ERAP1: variants seen among roughly 807,000 people sequenced by gnomAD.
ERAP1 encodes the protein adipocyte-derived leucine aminopeptidase.
ERAP1 carries 86 observed loss-of-function variants against 103.7 expected under a neutral mutation model. That is an observed-to-expected ratio of 0.83 (90% confidence interval 0.70 to 0.99). ERAP1 has a LOEUF of 0.99. Ranked by LOEUF, ERAP1 falls within the 50% of genes least tolerant of loss-of-function variation. The pLI, the probability that ERAP1 is intolerant of heterozygous loss-of-function variation, is 0.00. For synonymous variants in ERAP1, 398 were observed against 402.4 expected, an observed-to-expected ratio of 0.99 and a Z score of 0.13; for missense variants, 1,009 against 1,128.4, an observed-to-expected ratio of 0.89 and a Z score of 1.52.
At chr5:96,856,118 AG>A in the ERAP1 span, among the ~76,000 whole-genome samples, 1 of 151,388 alleles carries the variant, frequency 6.6e-6, no homozygotes, top group Non-Finnish European at 1.5e-5. Context: ...CAGGACTTCG[AG>A]ACCAGCCTGG....
At chr5:96,820,919 G>GAAAT in the ERAP1 span, among the ~76,000 whole-genome samples, 6 of 151,770 alleles carry the variant, frequency 4.0e-5, no homozygotes, top group South Asian at 1.3e-3. Context: ...TTTGTATCAG[G>GAAAT]GTTCTCCAGA....
chr5:96,901,380 G>A, the ERAP1 span: 3 of 1,034,934 alleles, frequency 2.9e-6, no homozygotes, highest in Non-Finnish European at 4.3e-6. Context: ...CCTTCCCTGA[G>A]ATACCAGTCC....
rs184320964 is a variant in ERAP1, at chr5:96,790,625, T to C, written c.1339A>G (p.Met447Val). Residue 447 changes from methionine (M) to valine (V), a missense_variant, in exon 9 of 19, where the codon ATG becomes GTG. By Grantham distance (21) the Met-to-Val change is conservative. Around this residue, in one of 3 missense-constraint regions of ERAP1, gnomAD observed 611 missense variants for 651.7 expected, o/e 0.94. Transcript: ENST00000443439. Reference protein sequence around the residue: ...SYDKGACILNMLREYLSADAF... With the variant: ...SYDKGACILNVLREYLSADAF... Reference sequence around the variant, plus strand: ...TCAGCACTAAGATACTCCCTTAGCATATTCAGAATACAAGCTCCCTGAAAA... The same window carrying C: ...TCAGCACTAAGATACTCCCTTAGCACATTCAGAATACAAGCTCCCTGAAAA... 1.8e-5 allele frequency: 29 copies of C among 1,608,820 alleles called. No homozygotes were observed. In the African/African-American group the frequency reaches 2.0e-4, roughly 11 times the overall value.
chr5:96,801,655 C>T (rs1778005804), intron 2 of ERAP1, among the ~76,000 whole-genome samples: 1 of 151,420 alleles, frequency 6.6e-6, no homozygotes, highest in Non-Finnish European at 1.5e-5. Context: ...AGTTCGAGAC[C>T]ACCCTGGCCA....
the ERAP1 span, among the ~76,000 whole-genome samples, chr5:96,838,875 G>A: frequency 2.0e-5 from 3 of 152,066 alleles, no homozygotes; most frequent in South Asian, 4.1e-4. Flanking sequence ...TGGAATCTGT[G>A]CAGATTTCAC....
At chr5:96,879,890 C>T in the ERAP1 span, 2 of 1,614,150 alleles carry the variant, frequency 1.2e-6, no homozygotes, top group South Asian at 2.2e-5. Context: ...GGAGCTAAGG[C>T]TCCCCAGTGT....
chr5:96,840,561 A>G, the ERAP1 span, among the ~76,000 whole-genome samples: 1 of 152,140 alleles, frequency 6.6e-6, no homozygotes, highest in Admixed American at 6.5e-5. Context: ...ACTTCTCTAA[A>G]TCCCTTAATA....
the ERAP1 span, among the ~76,000 whole-genome samples, chr5:96,892,665 A>C: frequency 1.3e-5 from 2 of 152,194 alleles, no homozygotes; most frequent in African/African-American, 2.4e-5. Context: ...GTAGCCATTA[A>C]ATTTATCCTC....
the ERAP1 span, among the ~76,000 whole-genome samples, chr5:96,882,479 T>G: frequency 6.6e-6 from 1 of 152,230 alleles, no homozygotes; most frequent in Non-Finnish European, 1.5e-5. Context: ...CAATGTCAAT[T>G]GAATCTTATG....
rs540762629 is a variant in ERAP1 at position 96,780,014 on chromosome 5, T to G, written c.2670+409A>C. On this transcript the variant is annotated intron_variant, in intron 18 of 18. Coordinates refer to ENST00000443439, the MANE Select transcript of ERAP1 (RefSeq NM_001040458.3). ...TGAAATTCTTTCTGAAGGTAGATGG[T>G]TACATAATAAGTGACAGGGAACCAT... Among the ~76,000 whole-genome samples, 186 of 152,318 alleles carry G rather than the reference T, an allele frequency of 1.2e-3. No homozygotes were observed. In the Middle Eastern group the frequency reaches 0.014, roughly 11 times the overall value.
chr5:96,848,671 G>A, the ERAP1 span: 2 of 152,022 alleles, frequency 1.3e-5, no homozygotes, highest in Non-Finnish European at 2.9e-5. Context: ...GACCTAGGAC[G>A]AGATGGCTTC....
the ERAP1 span, chr5:96,909,258 T>C: frequency 1.6e-5 from 12 of 766,162 alleles, no homozygotes; most frequent in South Asian, 3.6e-5. Context: ...TAATGGTCAA[T>C]GACCCTTGTT....
chr5:96,893,119 C>T, the ERAP1 span, among the ~76,000 whole-genome samples: 1 of 152,212 alleles, frequency 6.6e-6, no homozygotes, highest in East Asian at 1.9e-4. Context: ...CTATTTCTTG[C>T]AAAATAACTT....
chr5:96,925,047 T>C, the ERAP1 span, among the ~76,000 whole-genome samples: 259 of 152,352 alleles, frequency 1.7e-3, 1 homozygote, highest in Admixed American at 2.2e-3. Context: ...AGATGCCAAC[T>C]CAACACCGAA....
At chr5:96,911,875 AAAAAAAG>A in the ERAP1 span, among the ~76,000 whole-genome samples, 1 of 147,554 alleles carries the variant, frequency 6.8e-6, no homozygotes, top group Non-Finnish European at 1.5e-5. Flanking sequence ...TCAAAAAAAA[AAAAAAAG>A]AAAGAAAGAA....
chr5:96,797,366 T>A lies in ERAP1; in HGVS notation c.664-57A>T. 2.5e-6 allele frequency: 4 copies of A among 1,578,986 alleles called. No homozygotes were observed. The South Asian group carries it at 4.4e-5, about 18-fold the overall frequency. On this transcript the variant is annotated intron_variant, in intron 3 of 18. Coordinates refer to ENST00000443439, the MANE Select transcript of ERAP1 (RefSeq NM_001040458.3). The stretch of plus-strand genomic sequence containing the variant: ...ATCCAATTATCCAATACAGTGAACA[T>A]GATAAATTTCCTAATTATCAGACAT...
the ERAP1 span, chr5:96,880,022 A>T: frequency 6.2e-7 from 1 of 1,614,190 alleles, no homozygotes; most frequent in Middle Eastern, 1.7e-4. Context: ...CTTGCACAGC[A>T]AAGATCTTGA....
chr5:96,891,882 A>G, the ERAP1 span, among the ~76,000 whole-genome samples: 83,426 of 151,908 alleles, frequency 0.55, 22,935 homozygotes, highest in Admixed American at 0.6. Flanking sequence ...TTCTAAAAAT[A>G]AGTTCATTAT....
chr5:96,763,654 A>T (rs1404889006), intron 19 of ERAP1, among the ~76,000 whole-genome samples: 1 of 152,228 alleles, frequency 6.6e-6, no homozygotes, highest in Non-Finnish European at 1.5e-5. Flanking sequence ...ATAAAGCTTT[A>T]TTTAGATAAA....
Sources: allele counts gnomAD v4.1 joint callset (sites outside exome capture counted in the v4.1 genomes callset), GRCh38; gene constraint gnomAD v4.1.1; regional missense constraint gnomAD v4.1.1; transcripts MANE v1.5; gene names NCBI Gene and HGNC (gene_info 2026-07-23, HGNC 2026-07-21).